Variants in PIK3AP1 observed in about 807,000 individuals in gnomAD.
The protein encoded by PIK3AP1 is phosphoinositide 3-kinase adapter protein 1.
PIK3AP1 carries 21 observed loss-of-function variants against 88.1 expected under a neutral mutation model. The observed-to-expected ratio is 0.24, with a 90% CI of 0.17 to 0.34. PIK3AP1 has a LOEUF of 0.34. PIK3AP1 is among the 10% of genes least tolerant of loss of function. The probability of loss-of-function intolerance (pLI) is 1.00; values close to 1 mark genes in which losing one functional copy is unlikely to be tolerated. For missense variants in PIK3AP1, 828 were observed against 1,035.7 expected (o/e 0.80, Z 2.75); for synonymous variants, 398 against 400.0 (o/e 1.00, Z 0.06).
intron 8 of PIK3AP1, among the ~76,000 whole-genome samples, chr10:96,644,166 G>A (rs1459646343): frequency 1.3e-5 from 2 of 152,134 alleles, no homozygotes; most frequent in East Asian, 3.9e-4. Flanking sequence ...TATTTTGGGT[G>A]GTCACCAAGG....
At chr10:96,691,182 A>T (rs1212393469) in intron 2 of PIK3AP1, among the ~76,000 whole-genome samples, 1 of 152,196 alleles carries the variant, frequency 6.6e-6, no homozygotes, top group Admixed American at 6.5e-5. Context: ...ACATGGAGAC[A>T]GCTGAGGCTT....
intron 12 of PIK3AP1, 142 bp downstream of exon 12, chr10:96,620,210 G>T: frequency 1.1e-6 from 1 of 892,142 alleles, no homozygotes; most frequent in Non-Finnish European, 1.8e-6. Flanking sequence ...CACACTCACT[G>T]GTTCACAATG....
intron 2 of PIK3AP1, among the ~76,000 whole-genome samples, chr10:96,691,512 G>T (rs1035557962): frequency 6.6e-5 from 10 of 152,146 alleles, no homozygotes; most frequent in Non-Finnish European, 1.5e-4. Flanking sequence ...GGGGGAGGTG[G>T]TGGGCAAGGC....
chr10:96,624,713 C>G (rs971265960), intron 10 of PIK3AP1, among the ~76,000 whole-genome samples: 1 of 151,886 alleles, frequency 6.6e-6, no homozygotes, highest in East Asian at 1.9e-4. Flanking sequence ...CTATGCTGAA[C>G]AGCTGGAAAA....
intron 2 of PIK3AP1, among the ~76,000 whole-genome samples, chr10:96,668,136 G>A (rs1255683907): frequency 2.0e-5 from 3 of 152,098 alleles, no homozygotes; most frequent in East Asian, 1.9e-4. Flanking sequence ...CATTGTGAAA[G>A]TAATTAATGC....
At chr10:96,719,970 G>A (rs1719695734) in intron 1 of PIK3AP1, among the ~76,000 whole-genome samples, 1 of 152,186 alleles carries the variant, frequency 6.6e-6, no homozygotes. Context: ...CTGCCTGAGC[G>A]CCCCCTGTGG....
At chr10:96,623,003 C>T (rs996435813) in intron 11 of PIK3AP1, among the ~76,000 whole-genome samples, 14 of 152,158 alleles carry the variant, frequency 9.2e-5, no homozygotes, top group Admixed American at 2.6e-4. Context: ...TACTTTCATC[C>T]TGTTGGCATC....
At chr10:96,639,594 G>C (rs1843357829) in intron 8 of PIK3AP1, among the ~76,000 whole-genome samples, 2 of 152,174 alleles carry the variant, frequency 1.3e-5, no homozygotes, top group Non-Finnish European at 2.9e-5. Context: ...TGTATTTATG[G>C]AGGAGCAAAA....
chr10:96,598,989 G>A (rs927613149), intron 16 of PIK3AP1, among the ~76,000 whole-genome samples: 1 of 152,218 alleles, frequency 6.6e-6, no homozygotes, highest in Admixed American at 6.5e-5. Context: ...CCAGGCAATG[G>A]CATCATCAGC....
At chr10:96,665,587 C>T (rs926539954) in intron 2 of PIK3AP1, among the ~76,000 whole-genome samples, 2 of 152,174 alleles carry the variant, frequency 1.3e-5, no homozygotes, top group Admixed American at 1.3e-4. Context: ...TTATGAGAAT[C>T]GGTGTCTGGG....
chr10:96,629,930 A>AAAAAAAAAAGAAGAAG (rs776780994), intron 8 of PIK3AP1, among the ~76,000 whole-genome samples: 12 of 13,718 alleles, frequency 8.7e-4, no homozygotes, highest in African/African-American at 2.0e-3. Flanking sequence ...AAAAAAAAAA[A>AAAAAAAAAAGAAGAAG]AAGAAGAAGA....
Position 96,656,950 on chromosome 10 carries a change from C to T in PIK3AP1, c.431-16G>A. 1 of 1,613,314 alleles carries T rather than the reference C, an allele frequency of 6.2e-7. No individual in the cohort carries two copies. Among genetic ancestry groups the T allele is most frequent in the Non-Finnish European group, 8.5e-7 (1 of 1,179,508 alleles). On this transcript the variant is annotated splice_polypyrimidine_tract_variant and intron_variant, in intron 2 of 16. Coordinates refer to ENST00000339364, the MANE Select transcript of PIK3AP1 (RefSeq NM_152309.3). ...CAGCCAGAATCTACAAAATAGAGGACACCGCTGAATGGGAACGGCAGGAAG... is the reference window on the plus strand; with the variant it reads ...CAGCCAGAATCTACAAAATAGAGGATACCGCTGAATGGGAACGGCAGGAAG...
At chr10:96,653,144 C>T (rs923451377) in intron 3 of PIK3AP1, among the ~76,000 whole-genome samples, 1 of 151,992 alleles carries the variant, frequency 6.6e-6, no homozygotes, top group African/African-American at 2.4e-5. Context: ...CGGTGGCTCA[C>T]GCCTGTAATC....
At chr10:96,650,775 A>C (rs1482739353) in intron 6 of PIK3AP1, among the ~76,000 whole-genome samples, 1 of 152,236 alleles carries the variant, frequency 6.6e-6, no homozygotes, top group African/African-American at 2.4e-5. Context: ...TCTAAGTGGC[A>C]AGAGACAGGT....
At chr10:96,654,835 G>T (rs1843593047) in intron 3 of PIK3AP1, among the ~76,000 whole-genome samples, 1 of 152,194 alleles carries the variant, frequency 6.6e-6, no homozygotes, top group African/African-American at 2.4e-5. Flanking sequence ...AAGTGGCATG[G>T]GAAGATTTAA....
At chr10:96,623,607 A>G (rs1843116968) in intron 10 of PIK3AP1, 70 bp from the exon 11 acceptor site, 2 of 1,369,016 alleles carry the variant, frequency 1.5e-6, no homozygotes, top group African/African-American at 1.4e-5. Context: ...AATAATAATG[A>G]ATCCATACCT....
At position 96,656,656 on chromosome 10, in the gene PIK3AP1, G is replaced by A. The variant is rs900264560; in HGVS notation, c.567+142C>T. ...GGTGTCTCCAGGGCCCGGGTAACAGGGTACTCAAAAGAAATCCCAAAGGAA... is the reference window on the plus strand; with the variant it reads ...GGTGTCTCCAGGGCCCGGGTAACAGAGTACTCAAAAGAAATCCCAAAGGAA... On this transcript the variant is annotated intron_variant, in intron 3 of 16. Transcript: ENST00000339364. The A allele has an allele frequency of 2.2e-4, 269 of 1,210,250 alleles. 2 individuals are homozygous for A. Among genetic ancestry groups the A allele is most frequent in the Middle Eastern group, 2.8e-4 (1 of 3,520 alleles). 75.0% of individuals were successfully genotyped at this position (1,210,250 alleles called of 1,614,324 possible).
chr10:96,713,331 A>G (rs1447937425), intron 1 of PIK3AP1, among the ~76,000 whole-genome samples: 2 of 148,304 alleles, frequency 1.3e-5, no homozygotes, highest in African/African-American at 4.9e-5. Flanking sequence ...CCCCGTCTCT[A>G]TTAAAAATAC....
intron 2 of PIK3AP1, among the ~76,000 whole-genome samples, chr10:96,657,229 AC>A (rs930180859): frequency 6.6e-6 from 1 of 152,138 alleles, no homozygotes; most frequent in African/African-American, 2.4e-5. Flanking sequence ...CGGAAGCTTT[AC>A]CTGCAGACTT....
Sources: allele counts gnomAD v4.1 joint callset (sites outside exome capture counted in the v4.1 genomes callset), GRCh38; gene constraint gnomAD v4.1.1; transcripts MANE v1.5; gene names NCBI Gene and HGNC (gene_info 2026-07-23, HGNC 2026-07-21).